LRP1B: variants seen among roughly 807,000 people sequenced by gnomAD.
LRP1B encodes the protein low-density lipoprotein receptor-related protein 1B.
A neutral mutation model predicts 556.6 loss-of-function variants in LRP1B; 217 were observed. That is an observed-to-expected ratio of 0.39 (90% CI 0.35 to 0.44). LRP1B has a LOEUF of 0.44. LRP1B is among the 20% of genes least tolerant of loss of function. LRP1B has a pLI of 1.00. For missense variants in LRP1B, 5,053 were observed against 5,620.8 expected (o/e 0.90, Z 3.23); for synonymous variants, 2,047 against 1,865.8 (o/e 1.10, Z -2.50).
intron 66 of LRP1B, among the ~76,000 whole-genome samples, chr2:140,411,273 G>A (rs1038574529): frequency 6.6e-6 from 1 of 151,844 alleles, no homozygotes; most frequent in Non-Finnish European, 1.5e-5. Context: ...ATTTGAAATA[G>A]CTTTAGTTAA....
At chr2:141,741,080 C>T (rs1837049) in intron 2 of LRP1B, among the ~76,000 whole-genome samples, 151,945 of 152,154 alleles carry the variant, frequency 1, 75,869 homozygotes, top group Middle Eastern at 1. Context: ...TCCATCCATG[C>T]TGCAAATGAC....
At chr2:141,092,773 G>A (rs773706726) in intron 7 of LRP1B, among the ~76,000 whole-genome samples, 33 of 152,196 alleles carry the variant, frequency 2.2e-4, no homozygotes, top group Non-Finnish European at 4.1e-4. Context: ...GTGATCAACT[G>A]TGACAAATGT....
chr2:141,132,569 T>C (rs938504781), intron 7 of LRP1B, among the ~76,000 whole-genome samples: 34 of 151,978 alleles, frequency 2.2e-4, no homozygotes, highest in African/African-American at 8.2e-4. Flanking sequence ...CAAAACAGAC[T>C]AGGACATCAA....
At chr2:140,710,591 G>A (rs1686997021) in intron 37 of LRP1B, among the ~76,000 whole-genome samples, 2 of 151,892 alleles carry the variant, frequency 1.3e-5, no homozygotes, top group South Asian at 2.1e-4. Context: ...GAGAGAGAAT[G>A]GCACACAAAG....
chr2:140,938,822 G>T (rs1476458539), intron 20 of LRP1B, among the ~76,000 whole-genome samples: 1 of 145,134 alleles, frequency 6.9e-6, no homozygotes, highest in Non-Finnish European at 1.5e-5. Context: ...GGCATTTATT[G>T]CTAAATGATA....
chr2:141,896,609 T>A (rs1437624532), intron 1 of LRP1B, among the ~76,000 whole-genome samples: 1 of 152,160 alleles, frequency 6.6e-6, no homozygotes, highest in Non-Finnish European at 1.5e-5. Flanking sequence ...TCGATTAAGA[T>A]GCAATGTATG....
intron 3 of LRP1B, among the ~76,000 whole-genome samples, chr2:141,398,885 C>G (rs1292327490): frequency 6.6e-6 from 1 of 152,204 alleles, no homozygotes; most frequent in African/African-American, 2.4e-5. Flanking sequence ...GTTACAGACA[C>G]TAAGCCAGTT....
At chr2:140,755,838 C>T (rs1688726039) in intron 35 of LRP1B, among the ~76,000 whole-genome samples, 2 of 151,668 alleles carry the variant, frequency 1.3e-5, no homozygotes, top group Admixed American at 1.3e-4. Flanking sequence ...CTAACCAAGG[C>T]AATTAGGCAA....
intron 66 of LRP1B, among the ~76,000 whole-genome samples, chr2:140,388,072 G>C (rs768135927): frequency 2.6e-5 from 4 of 151,902 alleles, no homozygotes; most frequent in African/African-American, 7.3e-5. Context: ...GAGTAGCTGG[G>C]ATTACAGGCA....
At chr2:140,905,386 C>A (rs958311724) in intron 22 of LRP1B, among the ~76,000 whole-genome samples, 3 of 152,142 alleles carry the variant, frequency 2.0e-5, no homozygotes, top group Non-Finnish European at 4.4e-5. Context: ...AGGCCCTGAA[C>A]CTCCTCTTAG....
chr2:141,053,277 T>C (rs1156838176), intron 10 of LRP1B, among the ~76,000 whole-genome samples: 2 of 151,940 alleles, frequency 1.3e-5, no homozygotes, highest in Non-Finnish European at 2.9e-5. Flanking sequence ...GGTCCCCTTT[T>C]TGCCGCTTCT....
In LRP1B at chr2:140,418,445, C is replaced by T. The variant is rs375879967; in HGVS notation, c.10414+24059G>A. On this transcript the variant is annotated intron_variant, in intron 66 of 90. Transcript: ENST00000389484. ...ATCAACTACTTGAGATCACAAATGA[C>T]GGTGGTCTTAAAAGTATGTTTGAGA... Among the ~76,000 whole-genome samples, 57 of 152,238 alleles carry T rather than the reference C, an allele frequency of 3.7e-4. No homozygotes were observed. In the South Asian group the frequency reaches 9.1e-3, roughly 24 times the overall value.
chr2:141,059,597 A>G (rs1699281656), intron 8 of LRP1B, among the ~76,000 whole-genome samples: 2 of 151,842 alleles, frequency 1.3e-5, no homozygotes, highest in Non-Finnish European at 2.9e-5. Context: ...AAGAAATCAC[A>G]TATTTGCAAT....
intron 41 of LRP1B, among the ~76,000 whole-genome samples, chr2:140,604,957 T>TC (rs1487633961): frequency 6.6e-6 from 1 of 152,098 alleles, no homozygotes; most frequent in Non-Finnish European, 1.5e-5. Flanking sequence ...TCGTGAGGCC[T>TC]CCCCAGTCAT....
intron 1 of LRP1B, among the ~76,000 whole-genome samples, chr2:141,963,587 C>A (rs1050156323): frequency 6.6e-6 from 1 of 151,754 alleles, no homozygotes; most frequent in Non-Finnish European, 1.5e-5. Context: ...ATTGATGGGT[C>A]GTATTTCAAA....
intron 45 of LRP1B, among the ~76,000 whole-genome samples, chr2:140,539,655 A>G (rs13414734): frequency 1.4e-3 from 218 of 152,246 alleles, no homozygotes; most frequent in African/African-American, 5.1e-3. Flanking sequence ...GACCTGTGAA[A>G]GAAACATGAG....
chr2:140,870,122 A>G (rs1318153422), intron 25 of LRP1B, among the ~76,000 whole-genome samples: 2 of 151,806 alleles, frequency 1.3e-5, no homozygotes, highest in Non-Finnish European at 3.0e-5. Context: ...ATAAATATCC[A>G]GGAATGATTA....
chr2:141,344,486 C>A (rs975211462), intron 3 of LRP1B, among the ~76,000 whole-genome samples: 2 of 152,142 alleles, frequency 1.3e-5, no homozygotes, highest in African/African-American at 4.8e-5. Flanking sequence ...TAGATAATCA[C>A]CTGGTTGGCT....
At chr2:142,090,289 A>G (rs757272822) in intron 1 of LRP1B, among the ~76,000 whole-genome samples, 1 of 152,158 alleles carries the variant, frequency 6.6e-6, no homozygotes, top group Non-Finnish European at 1.5e-5. Flanking sequence ...CCAAATTTCA[A>G]GTTTATATGA....
Sources: gnomAD v4.1 joint callset for allele counts (sites outside exome capture counted in the v4.1 genomes callset) on GRCh38, gnomAD v4.1.1 for gene constraint, MANE v1.5 for transcripts, NCBI Gene and HGNC (gene_info 2026-07-23, HGNC 2026-07-21) for gene names.